The following KCND2 variants were observed in gnomAD, a reference collection of about 807,000 sequenced individuals.
The protein encoded by KCND2 is potassium voltage-gated channel subfamily D member 2.
KCND2 carries 16 observed loss-of-function variants against 54.4 expected under a neutral mutation model. That is an observed-to-expected ratio of 0.29 (90% CI 0.20 to 0.45). The LOEUF (loss-of-function observed/expected upper bound fraction) is 0.45, where lower values mean the gene tolerates loss of function less well. KCND2 is among the 20% of genes least tolerant of loss of function. The pLI is 1.00. For synonymous variants in KCND2, 317 were observed against 310.7 expected, an observed-to-expected ratio of 1.02 and a Z score of -0.21; for missense variants, 486 against 824.2, an observed-to-expected ratio of 0.59 and a Z score of 5.02.
chr7:120,660,949 G>T (rs1056127583), intron 1 of KCND2, among the ~76,000 whole-genome samples: 1 of 152,062 alleles, frequency 6.6e-6, no homozygotes, highest in African/African-American at 2.4e-5. Flanking sequence ...TGTAGATAAG[G>T]CTTTCATTTA....
chr7:120,422,348 T>C (rs1215989230), intron 1 of KCND2, among the ~76,000 whole-genome samples: 2 of 152,170 alleles, frequency 1.3e-5, no homozygotes, highest in Non-Finnish European at 2.9e-5. Context: ...CTTTGAGCTG[T>C]TTTTTCCTTT....
At chr7:120,579,117 C>A (rs974102381) in intron 1 of KCND2, among the ~76,000 whole-genome samples, 2 of 151,812 alleles carry the variant, frequency 1.3e-5, no homozygotes, top group African/African-American at 4.8e-5. Flanking sequence ...AAATGAAGAA[C>A]ATATATTTTA....
Position 120,678,343 on chromosome 7 carries a change from T to TTATATATATATA in KCND2, c.1116-54541_1116-54530dup, listed in dbSNP as rs3067141. 3.3e-3 allele frequency among the ~76,000 whole-genome samples: 397 copies of TTATATATATATA among 120,214 alleles called. 2 individuals are homozygous for TTATATATATATA. Among genetic ancestry groups the TTATATATATATA allele is most frequent in the African/African-American group, 9.1e-3 (288 of 31,716 alleles). 78.9% of individuals were successfully genotyped at this position (120,214 alleles called of 152,430 possible). On this transcript the variant is annotated intron_variant, in intron 1 of 5. Transcript: ENST00000331113. ...GCTCTTCTACCGTAGGTATGATTAT[T>TTATATATATATA]TATATATATATATATATATATATAT...
chr7:120,471,728 T>C (rs1802456687), intron 1 of KCND2, among the ~76,000 whole-genome samples: 2 of 152,120 alleles, frequency 1.3e-5, no homozygotes. Flanking sequence ...AATAATCCTG[T>C]TGGACAGGAT....
chr7:120,318,662 C>T (rs1400748898), intron 1 of KCND2, among the ~76,000 whole-genome samples: 1 of 152,008 alleles, frequency 6.6e-6, no homozygotes, highest in Admixed American at 6.6e-5. Flanking sequence ...GTTTTTTCTT[C>T]AGTGGTGTGT....
At chr7:120,650,324 C>CT (rs1791713680) in intron 1 of KCND2, among the ~76,000 whole-genome samples, 2 of 142,712 alleles carry the variant, frequency 1.4e-5, no homozygotes, top group South Asian at 2.2e-4. Flanking sequence ...TCTTTTTATT[C>CT]TTTTTTCTCT....
rs538101335 is a variant in KCND2, at chr7:120,405,836, G to A, written c.1115+130089G>A. Among the ~76,000 whole-genome samples, 16 of 152,130 alleles carry A rather than the reference G, an allele frequency of 1.1e-4. No homozygotes were observed. In the South Asian group the frequency reaches 3.3e-3, roughly 32 times the overall value. ...GTAGGAGTATTCAATACATTTTGTG[G>A]TATTGGTTTAGACACCAGGAAAGCT... On this transcript the variant is annotated intron_variant, in intron 1 of 5. Transcript: ENST00000331113.
intron 1 of KCND2, among the ~76,000 whole-genome samples, chr7:120,375,159 A>C (rs1800819115): frequency 6.6e-6 from 1 of 151,916 alleles, no homozygotes; most frequent in African/African-American, 2.4e-5. Flanking sequence ...CACAACCAGT[A>C]AATTAAAATC....
At chr7:120,484,201 A>G (rs1802656762) in intron 1 of KCND2, among the ~76,000 whole-genome samples, 1 of 152,264 alleles carries the variant, frequency 6.6e-6, no homozygotes, top group East Asian at 1.9e-4. Flanking sequence ...GGACACATTC[A>G]TGGGAGTCAT....
chr7:120,504,834 G>A (rs1802990405), intron 1 of KCND2, among the ~76,000 whole-genome samples: 1 of 151,464 alleles, frequency 6.6e-6, no homozygotes, highest in Admixed American at 6.6e-5. Flanking sequence ...TTTGGTGAAT[G>A]TTGCTTCTGC....
At chr7:120,593,654 G>A (rs929417586) in intron 1 of KCND2, among the ~76,000 whole-genome samples, 7 of 151,808 alleles carry the variant, frequency 4.6e-5, no homozygotes, top group Non-Finnish European at 8.8e-5. Context: ...ATTGGACTCC[G>A]AAATGGAATG....
chr7:120,718,830 G>A (rs1792634412), intron 1 of KCND2, among the ~76,000 whole-genome samples: 1 of 152,158 alleles, frequency 6.6e-6, no homozygotes, highest in Non-Finnish European at 1.5e-5. Flanking sequence ...GTTTTCAGGA[G>A]GAGTTAGATC....
chr7:120,699,034 A>C (rs970558074), intron 1 of KCND2, among the ~76,000 whole-genome samples: 1 of 152,176 alleles, frequency 6.6e-6, no homozygotes, highest in African/African-American at 2.4e-5. Flanking sequence ...TAATCCCAGC[A>C]CTTTGGGAGG....
chr7:120,652,309 C>T (rs190651802), intron 1 of KCND2, among the ~76,000 whole-genome samples: 7 of 152,178 alleles, frequency 4.6e-5, no homozygotes, highest in Admixed American at 1.3e-4. Context: ...CTCCTGAATT[C>T]GTGGTCCACT....
intron 4 of KCND2, 33 bp downstream of exon 4, chr7:120,742,635 C>T (rs761934341): frequency 4.0e-5 from 60 of 1,501,218 alleles, no homozygotes; most frequent in Non-Finnish European, 5.2e-5. Flanking sequence ...TTCCCTTGCT[C>T]TCTGACAGTA....
At chr7:120,453,303 C>T (rs1439954390) in intron 1 of KCND2, among the ~76,000 whole-genome samples, 1 of 152,180 alleles carries the variant, frequency 6.6e-6, no homozygotes, top group Admixed American at 6.5e-5. Context: ...AGCCATAACA[C>T]CATTGTTGGC....
Position 120,656,717 on chromosome 7 carries a change from T to C in KCND2, c.1116-76186T>C, listed in dbSNP as rs1791807776. Among the ~76,000 whole-genome samples the C allele has an allele frequency of 2.0e-5, 3 of 152,350 alleles. No homozygotes were observed. The South Asian group carries it at 6.2e-4, about 32-fold the overall frequency. ...GTTGTGTCATATGCAGACTAATTAA[T>C]ATGACTTATCCTGTGGCTAAGCAGG... On this transcript the variant is annotated intron_variant, in intron 1 of 5. Transcript: ENST00000331113.
intron 1 of KCND2, among the ~76,000 whole-genome samples, chr7:120,498,347 G>T (rs979136531): frequency 1.3e-5 from 2 of 152,054 alleles, no homozygotes; most frequent in Admixed American, 6.6e-5. Context: ...AGGTGTGGTG[G>T]CATGCACCTG....
chr7:120,518,445 G>C (rs745632766), intron 1 of KCND2, among the ~76,000 whole-genome samples: 38 of 152,078 alleles, frequency 2.5e-4, no homozygotes, highest in Non-Finnish European at 5.0e-4. Context: ...ACAAGTTCTT[G>C]CAATTTCTCC....
Sources: gnomAD v4.1 joint callset for allele counts (sites outside exome capture counted in the v4.1 genomes callset) on GRCh38, gnomAD v4.1.1 for gene constraint, MANE v1.5 for transcripts, NCBI Gene and HGNC (gene_info 2026-07-23, HGNC 2026-07-21) for gene names.